The following SAMD5 variants were observed in gnomAD, a reference collection of about 807,000 sequenced individuals.
SAMD5 encodes the protein sterile alpha motif domain-containing protein 5.
Under a neutral mutation model 11.3 loss-of-function variants are expected in SAMD5, and 13 were observed. That is an observed-to-expected ratio of 1.15 (90% CI 0.75 to 1.83). SAMD5 has a LOEUF of 1.83. Ranked by LOEUF, SAMD5 falls within the 40% of genes most tolerant of loss-of-function variation. The pLI, the probability that SAMD5 is intolerant of heterozygous loss-of-function variation, is 0.00. For missense variants in SAMD5, 255 were observed against 239.1 expected (o/e 1.07, Z -0.44); for synonymous variants, 129 against 111.3 (o/e 1.16, Z -1.00).
the SAMD5 span, among the ~76,000 whole-genome samples, chr6:147,875,533 AT>A: frequency 1.3e-5 from 2 of 152,058 alleles, no homozygotes; most frequent in African/African-American, 4.8e-5. Context: ...TGAGTGTTCT[AT>A]CCCCTAGAAC....
the SAMD5 span, among the ~76,000 whole-genome samples, chr6:147,834,759 A>G: frequency 2.6e-5 from 4 of 152,282 alleles, no homozygotes; most frequent in East Asian, 1.9e-4. Context: ...CACTTGCACT[A>G]TCTCACCATG....
At chr6:147,685,729 A>C (rs968103436) in intron 1 of SAMD5, among the ~76,000 whole-genome samples, 2 of 151,992 alleles carry the variant, frequency 1.3e-5, no homozygotes, top group African/African-American at 4.8e-5. Flanking sequence ...TTTTTTGACC[A>C]ATTTCCTCTG....
At position 147,509,265 on chromosome 6, in the gene SAMD5, C is replaced by A. The variant is rs746863692; in HGVS notation, c.337C>A (p.His113Asn). 1.9e-6 allele frequency: 3 copies of A among 1,548,412 alleles called. No individual in the cohort carries two copies. Among genetic ancestry groups the A allele is most frequent in the Non-Finnish European group, 2.6e-6 (3 of 1,150,788 alleles). Residue 113 changes from histidine to asparagine, a missense_variant, in exon 1 of 2, where the codon CAC becomes AAC. By Grantham distance (68) the His-to-Asn change is moderately conservative. Transcript: ENST00000367474. ...AQGTRGDSRG[H>N]TTAPRSRELV... ...GGGCACCCGCGGGGACTCTCGCGGCCACACGACCGCCCCCCGCAGCAGGGA... is the reference window on the plus strand; with the variant it reads ...GGGCACCCGCGGGGACTCTCGCGGCAACACGACCGCCCCCCGCAGCAGGGA...
intron 1 of SAMD5, among the ~76,000 whole-genome samples, chr6:147,513,454 C>T (rs1355233686): frequency 6.6e-6 from 1 of 152,096 alleles, no homozygotes; most frequent in Non-Finnish European, 1.5e-5. Context: ...ATGTAGGAGA[C>T]CCAGGAGAAC....
At chr6:147,778,791 A>G in the SAMD5 span, among the ~76,000 whole-genome samples, 1 of 152,064 alleles carries the variant, frequency 6.6e-6, no homozygotes. Flanking sequence ...CCATCATGTG[A>G]GGGCAGGAAC....
chr6:147,807,004 C>T, the SAMD5 span, among the ~76,000 whole-genome samples: 2 of 152,238 alleles, frequency 1.3e-5, no homozygotes, highest in Admixed American at 6.5e-5. Context: ...AAAGAGTCCC[C>T]ACCAGAAACC....
At chr6:147,902,541 C>T in the SAMD5 span, among the ~76,000 whole-genome samples, 1 of 152,120 alleles carries the variant, frequency 6.6e-6, no homozygotes, top group South Asian at 2.1e-4. Context: ...GAACCTGTCA[C>T]CAAAACAAAT....
chr6:147,530,579 C>T (rs1240850549), intron 1 of SAMD5, among the ~76,000 whole-genome samples: 1 of 152,230 alleles, frequency 6.6e-6, no homozygotes, highest in Non-Finnish European at 1.5e-5. Flanking sequence ...CCACAACTGG[C>T]TTGTGGTTTT....
At chr6:147,815,976 A>G in the SAMD5 span, among the ~76,000 whole-genome samples, 1 of 152,058 alleles carries the variant, frequency 6.6e-6, no homozygotes, top group Non-Finnish European at 1.5e-5. Flanking sequence ...GTACTATTCT[A>G]ATAAAAGTAT....
At chr6:147,559,150 C>T (rs750659667) in intron 1 of SAMD5, among the ~76,000 whole-genome samples, 1 of 152,232 alleles carries the variant, frequency 6.6e-6, no homozygotes, top group Non-Finnish European at 1.5e-5. Context: ...TAAGGCGGCA[C>T]TGGCCTCAGA....
At chr6:147,909,972 A>G in the SAMD5 span, among the ~76,000 whole-genome samples, 1 of 151,836 alleles carries the variant, frequency 6.6e-6, no homozygotes, top group Admixed American at 6.6e-5. Flanking sequence ...CCCCATCTGA[A>G]CTCATTTAGT....
At chr6:147,854,289 GAGA>G in the SAMD5 span, among the ~76,000 whole-genome samples, 1 of 152,196 alleles carries the variant, frequency 6.6e-6, no homozygotes, top group Non-Finnish European at 1.5e-5. Context: ...CAGAGGAAAC[GAGA>G]AGGTTTGGTC....
the SAMD5 span, among the ~76,000 whole-genome samples, chr6:147,800,327 A>C: frequency 6.6e-6 from 1 of 152,152 alleles, no homozygotes; most frequent in Non-Finnish European, 1.5e-5. Flanking sequence ...AGTACCCTGC[A>C]GTGTGAGGTG....
At chr6:147,924,157 T>C in the SAMD5 span, among the ~76,000 whole-genome samples, 5 of 151,938 alleles carry the variant, frequency 3.3e-5, no homozygotes, top group South Asian at 1.0e-3. Flanking sequence ...ACCTTGCCAA[T>C]GGGGGGAAAA....
At chr6:147,594,287 T>G (rs1789497334) in intron 1 of SAMD5, among the ~76,000 whole-genome samples, 1 of 152,212 alleles carries the variant, frequency 6.6e-6, no homozygotes, top group Admixed American at 6.5e-5. Flanking sequence ...ATTTGCTTGC[T>G]AAGATGCGAT....
At chr6:147,610,667 GC>G (rs1789769977) in intron 1 of SAMD5, among the ~76,000 whole-genome samples, 1 of 152,100 alleles carries the variant, frequency 6.6e-6, no homozygotes, top group Non-Finnish European at 1.5e-5. Context: ...ATCCTGATTG[GC>G]CTCAGTCTCA....
chr6:147,757,626 T>C, the SAMD5 span, among the ~76,000 whole-genome samples: 1 of 152,106 alleles, frequency 6.6e-6, no homozygotes, highest in African/African-American at 2.4e-5. Context: ...CCTTTAAGAG[T>C]GATAGGTGTC....
In SAMD5 at chr6:147,725,747, C is replaced by T. The variant is rs376891099; in HGVS notation, c.163-11570C>T. Reference sequence around the variant, plus strand: ...ATTGAAGTGGCTGTTGTCTCATTGCCTGCTTCCTGGGAATATTATGTTGAA... The same window carrying T: ...ATTGAAGTGGCTGTTGTCTCATTGCTTGCTTCCTGGGAATATTATGTTGAA... On this transcript the variant is annotated intron_variant, in intron 1 of 1. Coordinates refer to the SAMD5 transcript ENST00000566741. Among the ~76,000 whole-genome samples the T allele has an allele frequency of 6.3e-4, 96 of 152,200 alleles. 2 individuals are homozygous for T. In the South Asian group the frequency reaches 0.019, roughly 31 times the overall value.
the SAMD5 span, among the ~76,000 whole-genome samples, chr6:147,880,286 GTC>G: frequency 2.0e-5 from 3 of 150,622 alleles, no homozygotes; most frequent in Admixed American, 2.0e-4. Flanking sequence ...CTCTCTCTCT[GTC>G]TCTCTGTCTC....
Sources: gnomAD v4.1 joint callset for allele counts (sites outside exome capture counted in the v4.1 genomes callset) on GRCh38, gnomAD v4.1.1 for gene constraint, MANE v1.5 for transcripts, NCBI Gene and HGNC (gene_info 2026-07-23, HGNC 2026-07-21) for gene names.